Variants in IFI44L observed in about 807,000 individuals in gnomAD.
The protein encoded by IFI44L is interferon-induced protein 44-like.
A neutral mutation model predicts 39.3 loss-of-function variants in IFI44L; 40 were observed. That is an observed-to-expected ratio of 1.02 (90% CI 0.79 to 1.33). The LOEUF is 1.33. IFI44L is among the 40% of genes most tolerant of loss of function. The pLI is 0.00. For synonymous variants in IFI44L, 198 were observed against 182.3 expected, an observed-to-expected ratio of 1.09 and a Z score of -0.69; for missense variants, 623 against 549.0, an observed-to-expected ratio of 1.13 and a Z score of -1.35.
At position 78,629,017 on chromosome 1, in the gene IFI44L, GCTAT is replaced by G. The variant is rs1443337858; in HGVS notation, c.527+23_527+26del. ...GCCAGAGAGTAAGTTGGATTCTTGG[GCTAT>G]CTATTAATCATTTTATTTAGACCAA... is the stretch of plus-strand genomic sequence containing the variant. On this transcript the variant is annotated intron_variant, in intron 3 of 8. Transcript: ENST00000370751. 1.4e-5 allele frequency: 21 copies of G among 1,525,992 alleles called. No homozygotes were observed. Among genetic ancestry groups the G allele is most frequent in the Non-Finnish European group, 1.6e-5 (18 of 1,101,186 alleles). The allele number at this position is 1,525,992 out of a possible 1,614,324, so 94.5% of individuals were successfully genotyped here.
Position 78,641,484 on chromosome 1 carries a change from T to C in IFI44L, c.1199T>C (p.Met400Thr), listed in dbSNP as rs1646983277. The C allele has an allele frequency of 1.9e-6, 3 of 1,613,596 alleles. No individual in the cohort carries two copies. Among genetic ancestry groups the C allele is most frequent in the Non-Finnish European group, 2.5e-6 (3 of 1,179,600 alleles). ...MLGIPISNIL[M>T]VGNYASDLEL... ...GGCATTCCTATTTCCAATATTTTGA[T>C]GGTTGGAAATTATGCTTCAGATTTG... The change falls in exon 8 of 9, where the codon ATG becomes ACG. Residue 400 changes from methionine (M) to threonine (T), a missense_variant. Met to Thr is a moderately conservative substitution (Grantham distance 81). Coordinates refer to ENST00000370751, the MANE Select transcript of IFI44L (RefSeq NM_006820.4).
intron 5 of IFI44L, chr1:78,635,750 T>C: frequency 2.2e-6 from 1 of 457,888 alleles, no homozygotes; most frequent in Non-Finnish European, 3.9e-6. Context: ...AGTGTGTTTT[T>C]ATCACTCTTT....
Position 78,643,518 on chromosome 1 carries a change from T to G in IFI44L, c.*1709T>G, listed in dbSNP as rs542950470. 1 of 152,204 alleles carries G rather than the reference T, an allele frequency of 6.6e-6. No individual in the cohort carries two copies. The highest frequency in any genetic ancestry group is 6.5e-5 in the Admixed American group (1 of 15,276). 9.4% of individuals were successfully genotyped at this position (152,204 alleles called of 1,614,324 possible). On this transcript the variant is annotated 3_prime_UTR_variant, in exon 9 of 9. Transcript: ENST00000370751. ...CTCCCTGCTGAGTCTAAGTTTAGGA[T>G]TTTTAAGAGAAAGGCAGGTAAGGTG...
rs1367397714 is a variant in IFI44L at position 78,643,160 on chromosome 1, T to TTTTTTTTTTTTTTTTGAGACGG, written c.*1351_*1352insTTTTTTTTTTTTTTTGAGACGG. On this transcript the variant is annotated 3_prime_UTR_variant, in exon 9 of 9. Coordinates refer to ENST00000370751, the MANE Select transcript of IFI44L (RefSeq NM_006820.4). ...AGATATTAAGAAAGCAAGAGTTTCT[T>TTTTTTTTTTTTTTTTGAGACGG]ATGTCCAGTTATGGAATATTTCCTA... is the stretch of plus-strand genomic sequence containing the variant. 1.3e-5 allele frequency: 2 copies of TTTTTTTTTTTTTTTTGAGACGG among 151,870 alleles called. No homozygotes were observed. Among genetic ancestry groups the TTTTTTTTTTTTTTTTGAGACGG allele is most frequent in the South Asian group, 2.1e-4 (1 of 4,818 alleles). 9.4% of individuals were successfully genotyped at this position (151,870 alleles called of 1,614,324 possible).
Position 78,628,271 on chromosome 1 carries a change from C to A in IFI44L, c.356C>A (p.Thr119Lys), listed in dbSNP as rs77163359. Residue 119 changes from threonine (T) to lysine (K), a missense_variant, in exon 2 of 9, where the codon ACG becomes AAG. Transcript: ENST00000370751. ...DEQLVCRLSK[T>K]DIFIICRDNK... ...CAACTGGTGTGTCGTTTATCGAAAA[C>A]GGATATTTTCATTATATGTCGAGAT... 6.2e-7 allele frequency: 1 copy of A among 1,608,790 alleles called. No homozygotes were observed. Among genetic ancestry groups the A allele is most frequent in the African/African-American group, 1.3e-5 (1 of 74,720 alleles).
chr1:78,622,779 T>C (rs1476406580), intron 1 of IFI44L, among the ~76,000 whole-genome samples: 1 of 152,202 alleles, frequency 6.6e-6, no homozygotes, highest in Non-Finnish European at 1.5e-5. Context: ...TAACCTCTGA[T>C]CATTAGCTAG....
At chr1:78,629,652 T>G in intron 3 of IFI44L, 68 bp from the exon 4 acceptor site, 239 of 1,117,888 alleles carry the variant, frequency 2.1e-4, no homozygotes, top group Non-Finnish European at 2.8e-4. Context: ...CTAGGTGACT[T>G]GAGATGTTCT....
At position 78,641,889 on chromosome 1, in the gene IFI44L, G is replaced by C. The variant is rs949351687; in HGVS notation, c.*80G>C. The C allele has an allele frequency of 1.3e-6, 2 of 1,490,314 alleles. No individual in the cohort carries two copies. The highest frequency in any genetic ancestry group is 2.3e-5 in the East Asian group (1 of 44,300). 92.3% of individuals were successfully genotyped at this position (1,490,314 alleles called of 1,614,324 possible). On this transcript the variant is annotated 3_prime_UTR_variant, in exon 9 of 9. Coordinates refer to ENST00000370751, the MANE Select transcript of IFI44L (RefSeq NM_006820.4). ...GAGAGTCAATCTCTATTGACAGCCT[G>C]CTTCAGATTTTGCTTTTGTTCGTTT...
intron 6 of IFI44L, among the ~76,000 whole-genome samples, chr1:78,639,920 T>A (rs1653098031): frequency 6.6e-6 from 1 of 152,140 alleles, no homozygotes; most frequent in African/African-American, 2.4e-5. Context: ...AGTAGTAAAC[T>A]TTGACCTCGA....
In IFI44L at chr1:78,641,910, C is replaced by T. The variant is rs1047624899; in HGVS notation, c.*101C>T. On this transcript the variant is annotated 3_prime_UTR_variant, in exon 9 of 9. Transcript: ENST00000370751. Reference sequence around the variant, plus strand: ...GCCTGCTTCAGATTTTGCTTTTGTTCGTTTTGCCTTCTGTCCTTGGAACAG... The same window carrying T: ...GCCTGCTTCAGATTTTGCTTTTGTTTGTTTTGCCTTCTGTCCTTGGAACAG... 1.2e-5 allele frequency: 16 copies of T among 1,309,904 alleles called. No homozygotes were observed. Among genetic ancestry groups the T allele is most frequent in the Admixed American group, 8.4e-5 (5 of 59,486 alleles). 81.1% of individuals were successfully genotyped at this position (1,309,904 alleles called of 1,614,324 possible).
Position 78,643,341 on chromosome 1 carries a change from G to A in IFI44L, c.*1532G>A, listed in dbSNP as rs1473608956. 6.6e-6 allele frequency: 1 copy of A among 152,020 alleles called. No homozygotes were observed. The highest frequency in any genetic ancestry group is 1.5e-5 in the Non-Finnish European group (1 of 67,996). 9.4% of individuals were successfully genotyped at this position (152,020 alleles called of 1,614,324 possible). On this transcript the variant is annotated 3_prime_UTR_variant, in exon 9 of 9. Coordinates refer to ENST00000370751, the MANE Select transcript of IFI44L (RefSeq NM_006820.4). Reference sequence around the variant, plus strand: ...AGATATTGGGAACAAAATTAGAGAGGCAACCAGAAAAAGTTATTTTAGGCT... The same window carrying A: ...AGATATTGGGAACAAAATTAGAGAGACAACCAGAAAAAGTTATTTTAGGCT...
In IFI44L at chr1:78,640,828, C is replaced by T. The variant is rs41311154; in HGVS notation, c.1049-193C>T. Among the ~76,000 whole-genome samples the T allele has an allele frequency of 2.4e-3, 358 of 151,986 alleles. 1 individual carries two copies. The highest frequency in any genetic ancestry group is 0.015 in the South Asian group (73 of 4,824). On this transcript the variant is annotated intron_variant, in intron 6 of 8. Coordinates refer to ENST00000370751, the MANE Select transcript of IFI44L (RefSeq NM_006820.4). ...TTAGTTGCATTGAAAAATGCTGTCA[C>T]ATGTTGGAAAAAAAAGATCAAAGAT...
Position 78,643,538 on chromosome 1 carries a change from A to G in IFI44L, c.*1729A>G, listed in dbSNP as rs1201366911. ...TAGGATTTTTAAGAGAAAGGCAGGT[A>G]AGGTGCTGAAGGTCTGGAGCTGCTG... On this transcript the variant is annotated 3_prime_UTR_variant, in exon 9 of 9. Transcript: ENST00000370751. 1 of 152,052 alleles carries G rather than the reference A, an allele frequency of 6.6e-6. No individual in the cohort carries two copies. The highest frequency in any genetic ancestry group is 2.4e-5 in the African/African-American group (1 of 41,420). 9.4% of individuals were successfully genotyped at this position (152,052 alleles called of 1,614,324 possible).
rs184229210 is a variant in IFI44L, at chr1:78,629,229, C to T, written c.527+230C>T. ...ATTTCCACTTTAGACCAAAATTTTC[C>T]AGGTAGGGTCTGGATAACCATTTTA... On this transcript the variant is annotated intron_variant, in intron 3 of 8. Transcript: ENST00000370751. Among the ~76,000 whole-genome samples, 36 of 152,226 alleles carry T rather than the reference C, an allele frequency of 2.4e-4. 1 individual carries two copies. The East Asian group carries it at 6.9e-3, about 29-fold the overall frequency.
chr1:78,628,839 G>A, intron 2 of IFI44L, 112 bp from the exon 3 acceptor site: 3 of 704,900 alleles, frequency 4.3e-6, no homozygotes, highest in South Asian at 3.5e-5. Flanking sequence ...TAACTGAGCA[G>A]CTCAGCCCTG....
chr1:78,637,210 C>T lies in IFI44L; in HGVS notation c.1048+7C>T. 1.3e-6 allele frequency: 2 copies of T among 1,572,728 alleles called. No homozygotes were observed. Among genetic ancestry groups the T allele is most frequent in the Non-Finnish European group, 1.7e-6 (2 of 1,164,780 alleles). On this transcript the variant is annotated splice_region_variant and intron_variant, in intron 6 of 8. Coordinates refer to ENST00000370751, the MANE Select transcript of IFI44L (RefSeq NM_006820.4). ...AAAGAAGTATTAAACTGTGGTGAGT[C>T]TCACTGAACTTATAAAAAAATTTAC...
chr1:78,623,864 C>G (rs751037544), intron 1 of IFI44L, among the ~76,000 whole-genome samples: 1 of 152,078 alleles, frequency 6.6e-6, no homozygotes. Flanking sequence ...CTTCCTCTGC[C>G]TTTTTGCTCT....
At chr1:78,621,681 AT>A (rs1171410312) in intron 1 of IFI44L, among the ~76,000 whole-genome samples, 3 of 152,020 alleles carry the variant, frequency 2.0e-5, no homozygotes, top group Admixed American at 2.0e-4. Flanking sequence ...GTGTGTATAT[AT>A]TTATCTAAAT....
Sources: gnomAD v4.1 joint callset for allele counts (sites outside exome capture counted in the v4.1 genomes callset) on GRCh38, gnomAD v4.1.1 for gene constraint, MANE v1.5 for transcripts, NCBI Gene and HGNC (gene_info 2026-07-23, HGNC 2026-07-21) for gene names.